NBAS: variants seen among roughly 807,000 people sequenced by gnomAD.
NBAS encodes the protein NBAS subunit of NRZ tethering complex, also known as NAG/BC035112 fusion.
NBAS carries 219 observed loss-of-function variants against 302.5 expected under a neutral mutation model. That is an observed-to-expected ratio of 0.72 (90% CI 0.65 to 0.81). The LOEUF is 0.81. NBAS is among the 30% of genes least tolerant of loss of function. NBAS has a pLI of 0.00. For synonymous variants in NBAS, 1,118 were observed against 1,021.6 expected (o/e 1.09, Z -1.80); for missense variants, 2,932 against 2,841.6 (o/e 1.03, Z -0.72).
At chr2:15,402,698 C>G (rs1369540447) in intron 25 of NBAS, among the ~76,000 whole-genome samples, 1 of 152,166 alleles carries the variant, frequency 6.6e-6, no homozygotes, top group Non-Finnish European at 1.5e-5. Context: ...AAAGATGTTA[C>G]AACCTATTAC....
At position 15,558,453 on chromosome 2, in the gene NBAS, T is replaced by C. The variant is rs142318476; in HGVS notation, c.172+127A>G. 1.1e-3 allele frequency: 722 copies of C among 671,376 alleles called. 9 individuals are homozygous for C. In the African/African-American group the frequency reaches 0.011, roughly 11 times the overall value. 41.6% of individuals were successfully genotyped at this position (671,376 alleles called of 1,614,324 possible). A position where few individuals can be genotyped will look rare whatever the true frequency, so the allele number is the denominator to read the frequency against. On this transcript the variant is annotated intron_variant, in intron 2 of 51. Transcript: ENST00000281513. ...ACATATACATACATATGTGTGTATA[T>C]ATAAATATATATATAATTAAACTCA...
downstream of NBAS, among the ~76,000 whole-genome samples, chr2:15,162,152 C>T (rs1663914520): frequency 1.3e-5 from 2 of 150,812 alleles, no homozygotes; most frequent in African/African-American, 5.0e-5. Flanking sequence ...CAAACCCAGA[C>T]CCCTGACTCC....
chr2:15,438,315 C>T (rs1432710945), intron 21 of NBAS, among the ~76,000 whole-genome samples: 1 of 152,114 alleles, frequency 6.6e-6, no homozygotes, highest in East Asian at 1.9e-4. Context: ...TGGGAAAAGA[C>T]AGAATAGGCT....
chr2:15,419,389 T>TTGTGTGTGTGTATGAGTG (rs1677102195), intron 23 of NBAS, among the ~76,000 whole-genome samples: 1 of 150,688 alleles, frequency 6.6e-6, no homozygotes, highest in African/African-American at 2.4e-5. Context: ...AAAGTAAAAA[T>TTGTGTGTGTGTATGAGTG]TGTGTGTGTG....
the NBAS span, among the ~76,000 whole-genome samples, chr2:14,995,467 G>T: frequency 1.3e-5 from 2 of 152,210 alleles, no homozygotes; most frequent in African/African-American, 2.4e-5. Flanking sequence ...GCCACGGGCT[G>T]TTGCACCTGT....
the NBAS span, among the ~76,000 whole-genome samples, chr2:15,064,802 C>T: frequency 6.6e-5 from 10 of 152,156 alleles, no homozygotes; most frequent in Admixed American, 5.9e-4. Flanking sequence ...AAAAACCCTA[C>T]AGGTAAATGT....
At chr2:15,553,240 T>C (rs906502271) in intron 5 of NBAS, among the ~76,000 whole-genome samples, 186 bp downstream of exon 5, 2 of 152,348 alleles carry the variant, frequency 1.3e-5, no homozygotes, top group African/African-American at 2.4e-5. Context: ...AAGATAAGCA[T>C]ATAACTCTGA....
At chr2:15,359,598 C>A (rs1335636259) in intron 32 of NBAS, among the ~76,000 whole-genome samples, 1 of 151,890 alleles carries the variant, frequency 6.6e-6, no homozygotes, top group Non-Finnish European at 1.5e-5. Context: ...TATTTTATTT[C>A]TTTACATAAA....
chr2:15,030,201 C>G, the NBAS span, among the ~76,000 whole-genome samples: 1 of 151,582 alleles, frequency 6.6e-6, no homozygotes, highest in Non-Finnish European at 1.5e-5. Context: ...AATTATTTTC[C>G]CACAAAAAAA....
At chr2:15,077,134 C>G in the NBAS span, among the ~76,000 whole-genome samples, 1 of 152,084 alleles carries the variant, frequency 6.6e-6, no homozygotes, top group African/African-American at 2.4e-5. Flanking sequence ...GCTGGGGAGG[C>G]CTCAGGAAAC....
At chr2:15,253,467 G>A (rs1459400467) in intron 44 of NBAS, among the ~76,000 whole-genome samples, 1 of 152,182 alleles carries the variant, frequency 6.6e-6, no homozygotes, top group African/African-American at 2.4e-5. Flanking sequence ...GTGCCATGCT[G>A]GGAAACTTAC....
At chr2:15,436,736 A>T (rs1023320170) in intron 21 of NBAS, among the ~76,000 whole-genome samples, 3 of 151,960 alleles carry the variant, frequency 2.0e-5, no homozygotes, top group African/African-American at 7.3e-5. Context: ...ATGTTATTAA[A>T]CCTCTCATGT....
At chr2:15,108,787 CT>C in the NBAS span, among the ~76,000 whole-genome samples, 2 of 151,912 alleles carry the variant, frequency 1.3e-5, no homozygotes, top group South Asian at 2.1e-4. Flanking sequence ...GGGAGATAGT[CT>C]TTTTTTTCAA....
the NBAS span, among the ~76,000 whole-genome samples, chr2:15,123,647 T>C: frequency 6.6e-6 from 1 of 152,054 alleles, no homozygotes; most frequent in African/African-American, 2.4e-5. Flanking sequence ...ACCTCCCTCC[T>C]CTCTGTCTTG....
At chr2:15,403,497 G>A (rs570274245) in intron 25 of NBAS, among the ~76,000 whole-genome samples, 1 of 152,148 alleles carries the variant, frequency 6.6e-6, no homozygotes, top group East Asian at 1.9e-4. Context: ...AAACAATATA[G>A]TATAAAAACT....
the NBAS span, among the ~76,000 whole-genome samples, chr2:15,060,666 G>A: frequency 6.6e-6 from 1 of 151,960 alleles, no homozygotes; most frequent in African/African-American, 2.4e-5. Flanking sequence ...GGGAAGAAGG[G>A]GAAACTGAGG....
chr2:15,289,818 A>G (rs1670220675), intron 41 of NBAS, among the ~76,000 whole-genome samples: 1 of 152,142 alleles, frequency 6.6e-6, no homozygotes. Context: ...TAATACGGTG[A>G]AACCCTGTCT....
At chr2:14,898,759 T>G in the NBAS span, among the ~76,000 whole-genome samples, 5 of 152,174 alleles carry the variant, frequency 3.3e-5, no homozygotes, top group East Asian at 1.9e-4. Context: ...ACCATGATTA[T>G]GAGGCTTCCC....
chr2:15,128,655 G>A, the NBAS span, among the ~76,000 whole-genome samples: 1 of 152,210 alleles, frequency 6.6e-6, no homozygotes, highest in Non-Finnish European at 1.5e-5. Context: ...GAGGCTGCAG[G>A]GGAAATGTGG....
Sources: allele counts gnomAD v4.1 joint callset (sites outside exome capture counted in the v4.1 genomes callset), GRCh38; gene constraint gnomAD v4.1.1; transcripts MANE v1.5; gene names NCBI Gene and HGNC (gene_info 2026-07-23, HGNC 2026-07-21).